The following SH3PXD2A variants were observed in gnomAD, a reference collection of about 807,000 sequenced individuals.
SH3PXD2A encodes the protein SH3 and PX domains 2A.
SH3PXD2A carries 32 observed loss-of-function variants against 115.2 expected under a neutral mutation model. The observed-to-expected ratio is 0.28, with a 90% CI of 0.21 to 0.37. SH3PXD2A has a LOEUF of 0.37. Among genes scored for constraint, SH3PXD2A ranks in the 10% least tolerant of loss-of-function variants. The pLI is 1.00. For synonymous variants in SH3PXD2A, 610 were observed against 629.1 expected, an observed-to-expected ratio of 0.97 and a Z score of 0.45; for missense variants, 1,328 against 1,498.7, an observed-to-expected ratio of 0.89 and a Z score of 1.88.
chr10:103,762,627 TC>T (rs2134219281), intron 3 of SH3PXD2A, among the ~76,000 whole-genome samples: 1 of 152,162 alleles, frequency 6.6e-6, no homozygotes, highest in East Asian at 1.9e-4. Flanking sequence ...GAACTGCCAG[TC>T]CCACGTGGGT....
At chr10:103,773,532 C>T (rs2038851333) in intron 2 of SH3PXD2A, among the ~76,000 whole-genome samples, 1 of 151,908 alleles carries the variant, frequency 6.6e-6, no homozygotes, top group Non-Finnish European at 1.5e-5. Context: ...CCCCTCCTCC[C>T]AGGTTCAAGC....
At chr10:103,631,940 A>G (rs540292502) in intron 8 of SH3PXD2A, among the ~76,000 whole-genome samples, 7 of 152,156 alleles carry the variant, frequency 4.6e-5, no homozygotes, top group African/African-American at 1.4e-4. Context: ...CAGCATAGTG[A>G]GATCCCATCT....
intron 1 of SH3PXD2A, among the ~76,000 whole-genome samples, chr10:103,835,390 G>T (rs760135543): frequency 1.4e-4 from 22 of 152,236 alleles, no homozygotes; most frequent in Non-Finnish European, 3.2e-4. Context: ...TCCCTTCCAG[G>T]AATCCAGACT....
chr10:103,602,590 C>G lies in SH3PXD2A; in HGVS notation c.2628G>C (p.Gly876=). ...GCTCCCCAAACCTCACATACCACCA[C>G]CCGCTCTCCTGCTTCTCCAGCACCT... The part of the protein sequence containing the change: ...EVQVLEKQES[G]WWYVRFGELE... Residue 876 remains glycine (G), a synonymous_variant, in exon 15 of 15, where the codon GGG becomes GGC. Transcript: ENST00000369774. 6.2e-7 allele frequency: 1 copy of G among 1,614,186 alleles called. No individual in the cohort carries two copies. Among genetic ancestry groups the G allele is most frequent in the Non-Finnish European group, 8.5e-7 (1 of 1,180,038 alleles).
At chr10:103,604,885 G>GC (rs1278197948) in intron 14 of SH3PXD2A, among the ~76,000 whole-genome samples, 1 of 152,206 alleles carries the variant, frequency 6.6e-6, no homozygotes, top group African/African-American at 2.4e-5. Flanking sequence ...AAATTTAGTT[G>GC]CAAGTTCCAG....
intron 2 of SH3PXD2A, among the ~76,000 whole-genome samples, chr10:103,786,171 G>A (rs776965775): frequency 9.9e-5 from 15 of 152,168 alleles, no homozygotes; most frequent in Non-Finnish European, 1.8e-4. Flanking sequence ...TGGCAAGGAA[G>A]GGAAAGGACT....
intron 1 of SH3PXD2A, among the ~76,000 whole-genome samples, chr10:103,806,284 C>T (rs777893270): frequency 1.3e-5 from 2 of 152,006 alleles, no homozygotes; most frequent in Non-Finnish European, 2.9e-5. Flanking sequence ...CCCAGAGATA[C>T]GAGGACAATC....
In SH3PXD2A at chr10:103,602,251, C is replaced by G. The variant is rs1427730888; in HGVS notation, c.2967G>C (p.Lys989Asn). 1 of 1,611,286 alleles carries G rather than the reference C, an allele frequency of 6.2e-7. No individual in the cohort carries two copies. The highest frequency in any genetic ancestry group is 1.3e-5 in the African/African-American group (1 of 75,016). Residue 989 changes from lysine to asparagine, a missense_variant, in exon 15 of 15, where the codon AAG (lysine) becomes AAC (asparagine). Physicochemically the swap from Lys to Asn is moderately conservative, Grantham distance 94. Around this residue, in one of 5 missense-constraint regions of SH3PXD2A, gnomAD observed 574 missense variants for 565.7 expected, o/e 1.01. Transcript: ENST00000369774. ...GCAGGGCGCAGGACAGGTTGTTGTC[C>G]TTGGGTGGCGGGGACACAAACACCG... ...PQSVFVSPPPKDNNLSCALRR... is the reference protein window; with the variant it reads ...PQSVFVSPPPNDNNLSCALRR...
chr10:103,751,918 G>A (rs1416920019), intron 3 of SH3PXD2A, among the ~76,000 whole-genome samples: 1 of 152,148 alleles, frequency 6.6e-6, no homozygotes, highest in African/African-American at 2.4e-5. Context: ...CTGCCCAGCC[G>A]GTATTCATGC....
At chr10:103,654,481 G>A (rs547604362) in intron 8 of SH3PXD2A, among the ~76,000 whole-genome samples, 1 of 152,352 alleles carries the variant, frequency 6.6e-6, no homozygotes, top group African/African-American at 2.4e-5. Context: ...CTGTGGCAGA[G>A]CTGCCCCAAT....
chr10:103,711,168 C>G (rs1276359613), intron 5 of SH3PXD2A, among the ~76,000 whole-genome samples: 1 of 152,228 alleles, frequency 6.6e-6, no homozygotes, highest in Non-Finnish European at 1.5e-5. Flanking sequence ...TTCCCAGGAG[C>G]ATCCCAAGAG....
At chr10:103,809,391 G>A (rs2039241222) in intron 1 of SH3PXD2A, among the ~76,000 whole-genome samples, 1 of 152,208 alleles carries the variant, frequency 6.6e-6, no homozygotes, top group African/African-American at 2.4e-5. Flanking sequence ...GGCTCTGGGA[G>A]TTGGAGGGGG....
intron 1 of SH3PXD2A, among the ~76,000 whole-genome samples, chr10:103,820,281 C>T (rs922993739): frequency 1.3e-5 from 2 of 152,142 alleles, no homozygotes; most frequent in African/African-American, 4.8e-5. Flanking sequence ...CCCCTTCCTT[C>T]CGTGTGGCCA....
At chr10:103,812,047 G>A (rs113511827) in intron 1 of SH3PXD2A, among the ~76,000 whole-genome samples, 29 of 152,346 alleles carry the variant, frequency 1.9e-4, no homozygotes, top group African/African-American at 6.3e-4. Flanking sequence ...GCACCAATAA[G>A]TGCTGGGCCT....
Position 103,603,797 on chromosome 10 carries a change from A to G in SH3PXD2A, c.1429-8T>C, listed in dbSNP as rs752911243. On this transcript the variant is annotated splice_polypyrimidine_tract_variant and splice_region_variant and intron_variant, in intron 14 of 14. Coordinates refer to ENST00000369774, the MANE Select transcript of SH3PXD2A (RefSeq NM_001394015.1). ...TGAGTTCTTATCAATGACCTGGGGT[A>G]CGAGTGCAGACAAGCCAGTGAGTTG... 5.0e-6 allele frequency: 8 copies of G among 1,584,252 alleles called. No individual in the cohort carries two copies. The highest frequency in any genetic ancestry group is 6.0e-6 in the Non-Finnish European group (7 of 1,170,154).
At chr10:103,816,001 T>G (rs2039320685) in intron 1 of SH3PXD2A, among the ~76,000 whole-genome samples, 1 of 150,930 alleles carries the variant, frequency 6.6e-6, no homozygotes, top group African/African-American at 2.4e-5. Context: ...GGTGAGGAGG[T>G]AGGGAAAATG....
chr10:103,758,118 C>T (rs539095263), intron 3 of SH3PXD2A, among the ~76,000 whole-genome samples: 1 of 152,352 alleles, frequency 6.6e-6, no homozygotes, highest in East Asian at 1.9e-4. Flanking sequence ...GTGACTGGGC[C>T]AGATGGCACA....
In SH3PXD2A at chr10:103,735,765, C is replaced by T; in HGVS notation, c.273G>A (p.Val91=). The T allele has an allele frequency of 6.3e-7, 1 of 1,597,734 alleles. No homozygotes were observed. Among genetic ancestry groups the T allele is most frequent in the Non-Finnish European group, 8.5e-7 (1 of 1,170,148 alleles). ...FRRSHIRDVA[V]KRLKPIDEYC... is the part of the protein sequence containing the mutation. Reference sequence around the variant, plus strand: ...ATTCATCGATGGGCTTCAGTCTCTTCACAGCTACGTCCCGGATGTGGCTTC... The same window carrying T: ...ATTCATCGATGGGCTTCAGTCTCTTTACAGCTACGTCCCGGATGTGGCTTC... Residue 91 remains valine (V), a synonymous_variant, in exon 4 of 15, where the codon GTG becomes GTA. Coordinates refer to ENST00000369774, the MANE Select transcript of SH3PXD2A (RefSeq NM_001394015.1).
At chr10:103,688,022 A>T (rs1331971998) in intron 6 of SH3PXD2A, among the ~76,000 whole-genome samples, 1 of 152,082 alleles carries the variant, frequency 6.6e-6, no homozygotes, top group Non-Finnish European at 1.5e-5. Context: ...CTCATCACCC[A>T]CAGCAGACTG....
Sources: allele counts gnomAD v4.1 joint callset (sites outside exome capture counted in the v4.1 genomes callset), GRCh38; gene constraint gnomAD v4.1.1; regional missense constraint gnomAD v4.1.1; transcripts MANE v1.5; gene names NCBI Gene and HGNC (gene_info 2026-07-23, HGNC 2026-07-21).